TOM1L1: variants seen among roughly 807,000 people sequenced by gnomAD.
TOM1L1 encodes TOM1-like protein 1.
A neutral mutation model predicts 63.4 loss-of-function variants in TOM1L1; 64 were observed. The observed-to-expected ratio is 1.01, with a 90% CI of 0.83 to 1.24. The LOEUF (loss-of-function observed/expected upper bound fraction) is 1.24. Ranked by LOEUF, TOM1L1 falls within the 50% of genes most tolerant of loss-of-function variation. TOM1L1 has a pLI of 0.00. For missense variants in TOM1L1, 536 were observed against 567.0 expected (o/e 0.95, Z 0.55); for synonymous variants, 166 against 194.4 (o/e 0.85, Z 1.22).
In TOM1L1 at chr17:54,921,378, AAATT is replaced by A. The variant is rs562469673; in HGVS notation, c.720+5519_720+5522del. ...ATAGCATTTTTTAAATTGAGGCAAA[AAATT>A]AACCATTATTTTAAATTATCACATA... On this transcript the variant is annotated intron_variant, in intron 7 of 15. Coordinates refer to ENST00000575882, the MANE Select transcript of TOM1L1 (RefSeq NM_005486.3). 3.4e-3 allele frequency among the ~76,000 whole-genome samples: 520 copies of A among 152,316 alleles called. 2 individuals carry two copies. Among genetic ancestry groups the A allele is most frequent in the Non-Finnish European group, 5.6e-3 (384 of 68,034 alleles).
intron 11 of TOM1L1, 150 bp from the exon 12 acceptor site, chr17:54,947,111 A>G (rs2049132453): frequency 1.4e-6 from 1 of 733,730 alleles, no homozygotes; most frequent in Non-Finnish European, 2.3e-6. Context: ...ACTAAAACCA[A>G]TTGTTTTATA....
At chr17:54,909,707 A>G (rs1212223014) in intron 3 of TOM1L1, among the ~76,000 whole-genome samples, 1 of 152,152 alleles carries the variant, frequency 6.6e-6, no homozygotes, top group Non-Finnish European at 1.5e-5. Context: ...AGCTTAGGAT[A>G]AGTGATTTGC....
In TOM1L1 at chr17:54,918,667, A is replaced by C. The variant is rs539994506; in HGVS notation, c.720+2805A>C. ...TTGTGATGACAGATTCTCAGGAAGC[A>C]AGACAAGACTCTAGAAAACAACTTA... is the stretch of plus-strand genomic sequence containing the variant. On this transcript the variant is annotated intron_variant, in intron 7 of 15. Coordinates refer to ENST00000575882, the MANE Select transcript of TOM1L1 (RefSeq NM_005486.3). 1.2e-3 allele frequency among the ~76,000 whole-genome samples: 186 copies of C among 152,342 alleles called. 1 individual carries two copies. Among genetic ancestry groups the C allele is most frequent in the African/African-American group, 4.0e-3 (168 of 41,580 alleles).
intron 14 of TOM1L1, chr17:54,952,425 T>C (rs555504905): frequency 6.6e-6 from 1 of 151,448 alleles, no homozygotes; most frequent in South Asian, 2.1e-4. Flanking sequence ...TGCGCACCTG[T>C]AGTCCCAGCT....
At chr17:54,905,606 C>T (rs377680804) in intron 3 of TOM1L1, 39 bp downstream of exon 3, 1 of 1,286,158 alleles carries the variant, frequency 7.8e-7, no homozygotes, top group Admixed American at 1.9e-5. Context: ...TCGAGGATTT[C>T]TCAAGCTATA....
At chr17:54,938,581 C>T (rs1031247958) in intron 10 of TOM1L1, 15 of 172,582 alleles carry the variant, frequency 8.7e-5, no homozygotes, top group Non-Finnish European at 1.4e-4. Flanking sequence ...TACTTTTGTG[C>T]TAGGCAGAAC....
chr17:54,903,173 T>C (rs538917713), intron 1 of TOM1L1, among the ~76,000 whole-genome samples: 3 of 152,358 alleles, frequency 2.0e-5, no homozygotes, highest in South Asian at 2.1e-4. Context: ...CCTTTAAAAG[T>C]TCTTTCCTCC....
At chr17:54,903,866 A>G (rs1281844584) in intron 2 of TOM1L1, 74 bp downstream of exon 2, 20 of 1,374,566 alleles carry the variant, frequency 1.5e-5, no homozygotes, top group East Asian at 6.9e-5. Flanking sequence ...TTCTCTTGCA[A>G]ATATTTCGGT....
At chr17:54,956,056 T>C (rs548257733) in intron 14 of TOM1L1, among the ~76,000 whole-genome samples, 1 of 152,346 alleles carries the variant, frequency 6.6e-6, no homozygotes, top group African/African-American at 2.4e-5. Flanking sequence ...GGCTCAACCC[T>C]GGGTCTCATC....
In TOM1L1 at chr17:54,937,218, C is replaced by A. The variant is rs1234557885; in HGVS notation, c.1025C>A (p.Ser342Ter). 1 of 1,610,512 alleles carries A rather than the reference C, an allele frequency of 6.2e-7. No individual in the cohort carries two copies. Among genetic ancestry groups the A allele is most frequent in the South Asian group, 1.1e-5 (1 of 90,986 alleles). Residue 342 changes from serine (S) to a stop codon, truncating the protein, a stop_gained, in exon 10 of 16, where the codon TCA becomes TAA. Coordinates refer to ENST00000575882, the MANE Select transcript of TOM1L1 (RefSeq NM_005486.3). LOFTEE classifies it high-confidence loss of function. The part of the protein sequence containing the change: ...GELNTMNNQL[S>*]GLNFSLPSSD... ...CTCAACACCATGAATAATCAACTTT[C>A]AGGCTTAAGTAAATAAACACTCAGG... is the stretch of plus-strand genomic sequence containing the variant.
rs544927451 is a variant in TOM1L1 at position 54,910,443 on chromosome 17, G to A, written c.223-2223G>A. On this transcript the variant is annotated intron_variant, in intron 3 of 15. Coordinates refer to ENST00000575882, the MANE Select transcript of TOM1L1 (RefSeq NM_005486.3). The stretch of plus-strand genomic sequence containing the variant: ...TGCACTCCAGCCTAGGTGACAGAGT[G>A]AGACCCTGTCTCAAACAAACAAACA... Among the ~76,000 whole-genome samples, 13 of 152,246 alleles carry A rather than the reference G, an allele frequency of 8.5e-5. No homozygotes were observed. In the South Asian group the frequency reaches 2.5e-3, roughly 29 times the overall value.
chr17:54,948,410 C>T (rs1041404467), intron 12 of TOM1L1, among the ~76,000 whole-genome samples: 2 of 152,222 alleles, frequency 1.3e-5, no homozygotes, highest in Non-Finnish European at 2.9e-5. Flanking sequence ...CCTCTCCAGG[C>T]TCACCTCCTG....
chr17:54,956,603 C>T (rs1041132723), intron 14 of TOM1L1, among the ~76,000 whole-genome samples: 1 of 152,060 alleles, frequency 6.6e-6, no homozygotes, highest in African/African-American at 2.4e-5. Context: ...GCCACCGTGC[C>T]TAGCCTTTTA....
At chr17:54,959,082 T>C (rs1020562715) in intron 14 of TOM1L1, 5 of 152,136 alleles carry the variant, frequency 3.3e-5, no homozygotes, top group South Asian at 2.1e-4. Flanking sequence ...CCAGAGAGTT[T>C]AGAGGTTTGA....
At chr17:54,928,281 CTG>C (rs1441306252) in intron 7 of TOM1L1, among the ~76,000 whole-genome samples, 3 of 151,994 alleles carry the variant, frequency 2.0e-5, no homozygotes, top group Non-Finnish European at 4.4e-5. Flanking sequence ...ATGCCAGACA[CTG>C]TGGGGTTTCA....
chr17:54,921,354 T>A (rs955424361), intron 7 of TOM1L1, among the ~76,000 whole-genome samples: 1 of 152,210 alleles, frequency 6.6e-6, no homozygotes, highest in Non-Finnish European at 1.5e-5. Context: ...AAATTCTATA[T>A]AGCATTTTTT....
intron 2 of TOM1L1, 73 bp downstream of exon 2, chr17:54,903,865 A>G: frequency 2.2e-6 from 3 of 1,382,238 alleles, no homozygotes; most frequent in Non-Finnish European, 3.1e-6. Context: ...TTTCTCTTGC[A>G]AATATTTCGG....
chr17:54,955,691 C>T (rs549700274), intron 14 of TOM1L1, among the ~76,000 whole-genome samples: 49 of 152,160 alleles, frequency 3.2e-4, no homozygotes, highest in Non-Finnish European at 5.6e-4. Context: ...GTCTCTCAGT[C>T]TCCCAGACCT....
intron 7 of TOM1L1, 107 bp from the exon 8 acceptor site, chr17:54,929,960 CCACAGG>C: frequency 1.5e-6 from 2 of 1,347,116 alleles, no homozygotes; most frequent in South Asian, 2.7e-5. Context: ...TGGTAGTGCC[CCACAGG>C]CTACTTAACG....
Sources: allele counts gnomAD v4.1 joint callset (sites outside exome capture counted in the v4.1 genomes callset), GRCh38; gene constraint gnomAD v4.1.1; transcripts MANE v1.5; gene names NCBI Gene and HGNC (gene_info 2026-07-23, HGNC 2026-07-21).